MBD5: variants seen among roughly 807,000 people sequenced by gnomAD.
The protein encoded by MBD5 is methyl-CpG binding domain protein 5.
Under a neutral mutation model 117.3 loss-of-function variants are expected in MBD5, and 13 were observed. The observed-to-expected ratio is 0.11, with a 90% confidence interval of 0.07 to 0.18. MBD5 has a LOEUF of 0.18. MBD5 is among the 10% of genes least tolerant of loss of function. MBD5 has a pLI of 1.00. For synonymous variants in MBD5, 727 were observed against 766.4 expected (o/e 0.95, Z 0.85); for missense variants, 1,879 against 2,093.8 (o/e 0.90, Z 2.00).
chr2:148,196,618 C>T (rs1456909219), intron 2 of MBD5, among the ~76,000 whole-genome samples: 1 of 152,086 alleles, frequency 6.6e-6, no homozygotes, highest in Non-Finnish European at 1.5e-5. Flanking sequence ...AACAGTATGA[C>T]TTAGTATCTT....
At chr2:148,141,742 G>A (rs1027696712) in intron 1 of MBD5, among the ~76,000 whole-genome samples, 2 of 151,562 alleles carry the variant, frequency 1.3e-5, no homozygotes, top group African/African-American at 4.9e-5. Flanking sequence ...GCAGTCAGCT[G>A]TAAACATGCA....
chr2:148,136,503 G>A (rs1461485415), intron 1 of MBD5, among the ~76,000 whole-genome samples: 3 of 152,142 alleles, frequency 2.0e-5, no homozygotes, highest in Non-Finnish European at 2.9e-5. Context: ...TACATTTGTT[G>A]TAGCCATCAC....
chr2:148,213,012 T>G (rs1699464263), intron 2 of MBD5, among the ~76,000 whole-genome samples: 1 of 152,212 alleles, frequency 6.6e-6, no homozygotes, highest in Non-Finnish European at 1.5e-5. Context: ...TGGCTTACTT[T>G]ACCTGTGTCA....
intron 3 of MBD5, among the ~76,000 whole-genome samples, chr2:148,328,576 A>G (rs1279445362): frequency 6.6e-6 from 1 of 152,134 alleles, no homozygotes; most frequent in African/African-American, 2.4e-5. Context: ...GGAAAAGCGC[A>G]GTATTCGGGT....
At chr2:148,465,016 A>G (rs1156516816) in intron 7 of MBD5, among the ~76,000 whole-genome samples, 1 of 152,100 alleles carries the variant, frequency 6.6e-6, no homozygotes, top group African/African-American at 2.4e-5. Context: ...TTCACATTGC[A>G]ATCAAAGATT....
chr2:148,173,196 G>C (rs2105810367), intron 1 of MBD5, among the ~76,000 whole-genome samples: 1 of 152,316 alleles, frequency 6.6e-6, no homozygotes, highest in South Asian at 2.1e-4. Context: ...GCCCAAACCA[G>C]GGGGCTCCTT....
At chr2:148,091,709 A>G (rs1334650243) in intron 1 of MBD5, among the ~76,000 whole-genome samples, 1 of 152,192 alleles carries the variant, frequency 6.6e-6, no homozygotes, top group Non-Finnish European at 1.5e-5. Flanking sequence ...AAAATTCTAG[A>G]AGATAACATT....
intron 7 of MBD5, among the ~76,000 whole-genome samples, chr2:148,466,256 C>G (rs1232972064): frequency 6.6e-6 from 1 of 152,074 alleles, no homozygotes; most frequent in Non-Finnish European, 1.5e-5. Context: ...ACTGTTTATT[C>G]TTTTGAAAGC....
At chr2:148,118,567 G>T (rs1696694473) in intron 1 of MBD5, among the ~76,000 whole-genome samples, 1 of 151,320 alleles carries the variant, frequency 6.6e-6, no homozygotes, top group South Asian at 2.1e-4. Context: ...TATGACTGTG[G>T]CTCTACACTC....
At chr2:148,102,709 CACACACACACACACACACACAGAGAG>C (rs1696254801) in intron 1 of MBD5, among the ~76,000 whole-genome samples, 4 of 18,724 alleles carry the variant, frequency 2.1e-4, no homozygotes, top group African/African-American at 4.9e-4. Flanking sequence ...ATCACACACA[CACACACACACACACACACACAGAGAG>C]AGAGAGAGAG....
At chr2:148,101,404 G>A (rs926119811) in intron 1 of MBD5, among the ~76,000 whole-genome samples, 1 of 152,082 alleles carries the variant, frequency 6.6e-6, no homozygotes, top group African/African-American at 2.4e-5. Context: ...TGAGGTTGCA[G>A]TGAGCTATGC....
At chr2:148,224,868 A>G (rs1699782044) in intron 2 of MBD5, among the ~76,000 whole-genome samples, 1 of 151,996 alleles carries the variant, frequency 6.6e-6, no homozygotes, top group African/African-American at 2.4e-5. Flanking sequence ...TTGTCTGATA[A>G]AAGTATGGCC....
chr2:148,231,831 G>A (rs1445762678), intron 2 of MBD5, among the ~76,000 whole-genome samples: 1 of 152,076 alleles, frequency 6.6e-6, no homozygotes, highest in Non-Finnish European at 1.5e-5. Flanking sequence ...AATGACATCT[G>A]GCTTCACCGG....
intron 4 of MBD5, among the ~76,000 whole-genome samples, chr2:148,412,758 G>A (rs1274247977): frequency 4.0e-5 from 6 of 151,712 alleles, no homozygotes; most frequent in South Asian, 2.1e-4. Flanking sequence ...GCCTTAGCTC[G>A]GATGTTGGTT....
intron 1 of MBD5, among the ~76,000 whole-genome samples, chr2:148,134,239 G>A (rs935401618): frequency 3.3e-5 from 5 of 151,776 alleles, no homozygotes; most frequent in Non-Finnish European, 7.4e-5. Context: ...TAGATAGATC[G>A]ATCGATCTAC....
At chr2:148,118,830 T>G (rs556929744) in intron 1 of MBD5, among the ~76,000 whole-genome samples, 1 of 152,324 alleles carries the variant, frequency 6.6e-6, no homozygotes, top group South Asian at 2.1e-4. Context: ...AAAGTTTTCA[T>G]GGTTTATCCA....
chr2:148,101,704 A>G (rs1696222171), intron 1 of MBD5, among the ~76,000 whole-genome samples: 1 of 152,190 alleles, frequency 6.6e-6, no homozygotes, highest in East Asian at 1.9e-4. Flanking sequence ...TTATTGCACT[A>G]TGCTGTCTGC....
chr2:148,064,103 A>G (rs1695113668), intron 1 of MBD5, among the ~76,000 whole-genome samples: 1 of 149,588 alleles, frequency 6.7e-6, no homozygotes, highest in Non-Finnish European at 1.5e-5. Flanking sequence ...AAGGAAACAT[A>G]CTATTCCCAC....
intron 3 of MBD5, among the ~76,000 whole-genome samples, chr2:148,246,263 T>C (rs1445696607): frequency 1.3e-5 from 2 of 152,180 alleles, no homozygotes; most frequent in Admixed American, 6.5e-5. Context: ...AATTGGGATT[T>C]GTATATATCG....
Sources: gnomAD v4.1 joint callset for allele counts (sites outside exome capture counted in the v4.1 genomes callset) on GRCh38, gnomAD v4.1.1 for gene constraint, MANE v1.5 for transcripts, NCBI Gene and HGNC (gene_info 2026-07-23, HGNC 2026-07-21) for gene names.